Variants in EFNA5 observed in about 807,000 individuals in gnomAD.
The protein encoded by EFNA5 is ephrin-A5.
In EFNA5, 5 loss-of-function variants were observed where a neutral mutation model predicts 22.9. That is an observed-to-expected ratio of 0.22 (90% CI 0.11 to 0.46). The LOEUF (loss-of-function observed/expected upper bound fraction) is 0.46, where lower values mean the gene tolerates loss of function less well. Among genes scored for constraint, EFNA5 ranks in the 20% least tolerant of loss-of-function variants. The probability of loss-of-function intolerance (pLI) is 0.99; values close to 1 mark genes in which losing one functional copy is unlikely to be tolerated. For missense variants in EFNA5, 237 were observed against 293.3 expected, an observed-to-expected ratio of 0.81 and a Z score of 1.40; for synonymous variants, 113 against 112.2, an observed-to-expected ratio of 1.01 and a Z score of -0.04.
At chr5:107,602,669 T>C (rs1473494456) in intron 1 of EFNA5, among the ~76,000 whole-genome samples, 1 of 152,164 alleles carries the variant, frequency 6.6e-6, no homozygotes, top group Non-Finnish European at 1.5e-5. Context: ...TTTGACTTAA[T>C]TACATGGTAA....
At chr5:107,410,149 T>C (rs1580432500) in intron 2 of EFNA5, among the ~76,000 whole-genome samples, 1 of 147,554 alleles carries the variant, frequency 6.8e-6, no homozygotes, top group Non-Finnish European at 1.5e-5. Context: ...TGCCTCAGCC[T>C]CCCAAGTAGC....
intron 1 of EFNA5, among the ~76,000 whole-genome samples, chr5:107,617,247 G>C (rs997655197): frequency 1.5e-4 from 22 of 150,882 alleles, no homozygotes; most frequent in African/African-American, 4.9e-4. Flanking sequence ...CAGAGAGAGA[G>C]AGAGAGAGAG....
chr5:107,647,020 A>G (rs1423214), intron 1 of EFNA5, among the ~76,000 whole-genome samples: 10,111 of 152,238 alleles, frequency 0.066, 453 homozygotes, highest in Middle Eastern at 0.16. Context: ...AAAGACAATT[A>G]TGAAATGCAT....
chr5:107,499,028 G>A lies in EFNA5; in HGVS notation c.126-71519C>T, dbSNP rs1331130036. Among the ~76,000 whole-genome samples, 3 of 151,656 alleles carry A rather than the reference G, an allele frequency of 2.0e-5. No homozygotes were observed. In the South Asian group the frequency reaches 6.2e-4, roughly 32 times the overall value. On this transcript the variant is annotated intron_variant, in intron 1 of 4. Coordinates refer to ENST00000333274, the MANE Select transcript of EFNA5 (RefSeq NM_001962.3). ...AAAGGAGTCTTTGATTTCTTTTACT[G>A]TGAGATTTCCATTGGAAACAGACAC...
intron 1 of EFNA5, among the ~76,000 whole-genome samples, chr5:107,495,237 T>C (rs1393307582): frequency 6.6e-6 from 1 of 152,136 alleles, no homozygotes; most frequent in Non-Finnish European, 1.5e-5. Flanking sequence ...GATCTGCGGC[T>C]CCACTCCTGA....
chr5:107,411,748 G>A (rs1561374905), intron 2 of EFNA5, among the ~76,000 whole-genome samples: 1 of 152,080 alleles, frequency 6.6e-6, no homozygotes. Context: ...CATCACGCCT[G>A]GCTATTTTTA....
At chr5:107,569,559 T>TTATATATATATATATATATATATATA (rs70996962) in intron 1 of EFNA5, among the ~76,000 whole-genome samples, 3 of 42,528 alleles carry the variant, frequency 7.1e-5, no homozygotes, top group Non-Finnish European at 8.7e-5. Flanking sequence ...ATATATATAT[T>TTATATATATATATATATATATATATA]TATATATATA....
At chr5:107,594,077 T>C (rs546217079) in intron 1 of EFNA5, among the ~76,000 whole-genome samples, 10 of 152,292 alleles carry the variant, frequency 6.6e-5, no homozygotes, top group Middle Eastern at 3.4e-3. Context: ...TAAACTTGAA[T>C]GGAAAAAAGG....
chr5:107,470,110 G>A (rs1750098300), intron 1 of EFNA5, among the ~76,000 whole-genome samples: 1 of 152,136 alleles, frequency 6.6e-6, no homozygotes, highest in Admixed American at 6.5e-5. Context: ...ATTAGGAGGG[G>A]CTCTGAAACT....
chr5:107,556,080 T>C (rs376546910), intron 1 of EFNA5, among the ~76,000 whole-genome samples: 1 of 152,246 alleles, frequency 6.6e-6, no homozygotes, highest in African/African-American at 2.4e-5. Flanking sequence ...TACCGTCTAT[T>C]TGGTCAGTAA....
At chr5:107,599,133 G>GAC (rs961522792) in intron 1 of EFNA5, among the ~76,000 whole-genome samples, 2 of 152,178 alleles carry the variant, frequency 1.3e-5, no homozygotes, top group African/African-American at 2.4e-5. Flanking sequence ...AAGATCAGTA[G>GAC]ACACATATTT....
At chr5:107,477,563 G>T (rs1750345375) in intron 1 of EFNA5, among the ~76,000 whole-genome samples, 1 of 152,110 alleles carries the variant, frequency 6.6e-6, no homozygotes, top group Admixed American at 6.5e-5. Flanking sequence ...TTTTTCAGGT[G>T]TCTTTTGGGG....
rs185511875 is a variant in EFNA5 at position 107,505,347 on chromosome 5, G to A, written c.126-77838C>T. ...AAAATTTCTTTAGAAAAGAAACTGA[G>A]TCCTACATGAAAAATGTAAAACTAC... is the stretch of plus-strand genomic sequence containing the variant. On this transcript the variant is annotated intron_variant, in intron 1 of 4. Transcript: ENST00000333274. 2.0e-5 allele frequency among the ~76,000 whole-genome samples: 3 copies of A among 152,260 alleles called. No homozygotes were observed. In the East Asian group the frequency reaches 5.8e-4, roughly 29 times the overall value.
At chr5:107,655,922 T>C (rs182857193) in intron 1 of EFNA5, among the ~76,000 whole-genome samples, 19 of 152,250 alleles carry the variant, frequency 1.2e-4, no homozygotes, top group East Asian at 5.8e-4. Context: ...AAGTTTAAGA[T>C]AGTCAATAGC....
intron 1 of EFNA5, among the ~76,000 whole-genome samples, chr5:107,662,206 G>A (rs1279172057): frequency 6.6e-6 from 1 of 152,138 alleles, no homozygotes; most frequent in Non-Finnish European, 1.5e-5. Flanking sequence ...ACTCGTACCT[G>A]AACTTTAACC....
intron 1 of EFNA5, among the ~76,000 whole-genome samples, chr5:107,604,666 A>G (rs191759211): frequency 6.8e-4 from 103 of 152,342 alleles, no homozygotes; most frequent in African/African-American, 2.2e-3. Flanking sequence ...CCGTGCAGAC[A>G]TGTCAGAACA....
chr5:107,409,815 A>G (rs1037540779), intron 2 of EFNA5, among the ~76,000 whole-genome samples: 6 of 152,162 alleles, frequency 3.9e-5, no homozygotes, highest in Non-Finnish European at 7.3e-5. Context: ...TACTAGGTAC[A>G]AGTATGTCTC....
chr5:107,512,452 G>GTT (rs112494421), intron 1 of EFNA5, among the ~76,000 whole-genome samples: 2,625 of 151,132 alleles, frequency 0.017, 62 homozygotes, highest in African/African-American at 0.058. Flanking sequence ...ACTCTAGCCT[G>GTT]TTTTTTTTTA....
intron 1 of EFNA5, among the ~76,000 whole-genome samples, chr5:107,437,200 G>T (rs1391587202): frequency 1.3e-5 from 2 of 152,186 alleles, no homozygotes; most frequent in Non-Finnish European, 2.9e-5. Flanking sequence ...TGGGTTTTAT[G>T]GCTTTCTTTT....
Sources: allele counts gnomAD v4.1 joint callset (sites outside exome capture counted in the v4.1 genomes callset), GRCh38; gene constraint gnomAD v4.1.1; transcripts MANE v1.5; gene names NCBI Gene and HGNC (gene_info 2026-07-23, HGNC 2026-07-21).